The following STXBP6 variants were observed in gnomAD, a reference collection of about 807,000 sequenced individuals.
STXBP6 encodes syntaxin-binding protein 6.
A neutral mutation model predicts 26.9 loss-of-function variants in STXBP6; 21 were observed. That is an observed-to-expected ratio of 0.78 (90% CI 0.55 to 1.12). The LOEUF is 1.12. Among genes scored for constraint, STXBP6 ranks in the 50% most tolerant of loss-of-function variants. The pLI is 0.00. For synonymous variants in STXBP6, 97 were observed against 92.6 expected (o/e 1.05, Z -0.27); for missense variants, 232 against 257.9 (o/e 0.90, Z 0.69).
In STXBP6 at chr14:24,829,052, C is replaced by A. The variant is rs575873386; in HGVS notation, c.452-9858G>T. 1.3e-4 allele frequency among the ~76,000 whole-genome samples: 20 copies of A among 152,230 alleles called. No individual in the cohort carries two copies. In the South Asian group the frequency reaches 4.1e-3, roughly 32 times the overall value. On this transcript the variant is annotated intron_variant, in intron 4 of 5. Coordinates refer to ENST00000323944, the MANE Select transcript of STXBP6 (RefSeq NM_001394410.1). ...GTTTGAATCACCTTGGGAGAATAAA[C>A]CAGGCCCTGTGCCCCCTGTGCCCCC...
chr14:24,819,688 T>C (rs2068084265), intron 4 of STXBP6, among the ~76,000 whole-genome samples: 1 of 152,230 alleles, frequency 6.6e-6, no homozygotes, highest in African/African-American at 2.4e-5. Flanking sequence ...TTCCTTCCAA[T>C]GCTTCTTCTT....
At chr14:24,820,435 A>G (rs1312364314) in intron 4 of STXBP6, among the ~76,000 whole-genome samples, 1 of 152,206 alleles carries the variant, frequency 6.6e-6, no homozygotes, top group Non-Finnish European at 1.5e-5. Flanking sequence ...AAGGGATTCA[A>G]TTATGCACTG....
At position 25,022,999 on chromosome 14, in the gene STXBP6, G is replaced by A. The variant is rs2140431725; in HGVS notation, c.-33+26879C>T. 1.3e-5 allele frequency among the ~76,000 whole-genome samples: 2 copies of A among 152,288 alleles called. 1 individual carries two copies. Among genetic ancestry groups the A allele is most frequent in the South Asian group, 4.1e-4 (2 of 4,820 alleles). The stretch of plus-strand genomic sequence containing the variant: ...GATACTTGTTACTTTAGCATTAGCA[G>A]CCATAAAACATGGTCCTAACCTGAA... On this transcript the variant is annotated intron_variant, in intron 1 of 5. Transcript: ENST00000323944.
At chr14:25,019,275 G>A (rs2075216579) in intron 1 of STXBP6, among the ~76,000 whole-genome samples, 1 of 152,140 alleles carries the variant, frequency 6.6e-6, no homozygotes, top group African/African-American at 2.4e-5. Context: ...TAATATCTGG[G>A]GGTCTAAAGG....
At chr14:24,912,991 A>G (rs1310738969) in intron 2 of STXBP6, among the ~76,000 whole-genome samples, 1 of 152,204 alleles carries the variant, frequency 6.6e-6, no homozygotes, top group Non-Finnish European at 1.5e-5. Context: ...TCTTACTTAC[A>G]TAATTATTCT....
At chr14:24,923,483 T>C (rs1356225250) in intron 2 of STXBP6, among the ~76,000 whole-genome samples, 3 of 152,204 alleles carry the variant, frequency 2.0e-5, no homozygotes, top group Non-Finnish European at 2.9e-5. Flanking sequence ...GTATAAGTAC[T>C]AGCCAAGCCC....
At chr14:24,900,681 C>A (rs2071179297) in intron 2 of STXBP6, among the ~76,000 whole-genome samples, 1 of 152,176 alleles carries the variant, frequency 6.6e-6, no homozygotes, top group South Asian at 2.1e-4. Context: ...TTAGAGGTTT[C>A]TGGACCCATC....
intron 2 of STXBP6, among the ~76,000 whole-genome samples, chr14:24,885,868 C>T (rs899217450): frequency 2.0e-5 from 3 of 152,196 alleles, no homozygotes; most frequent in Admixed American, 2.0e-4. Context: ...TGGATGGATG[C>T]CCTTTTACTC....
intron 1 of STXBP6, among the ~76,000 whole-genome samples, chr14:24,998,932 T>C (rs1368560136): frequency 1.3e-5 from 2 of 152,208 alleles, no homozygotes; most frequent in Non-Finnish European, 2.9e-5. Flanking sequence ...GAGAAAATAA[T>C]GCCTTCAACC....
rs753413417 is a variant in STXBP6 at position 24,996,864 on chromosome 14, CAAAAAAAAAAAAA to C, written c.-32-22027_-32-22015del. 2.4e-3 allele frequency among the ~76,000 whole-genome samples: 145 copies of C among 60,912 alleles called. 1 individual carries two copies. Among genetic ancestry groups the C allele is most frequent in the Middle Eastern group, 0.013 (1 of 80 alleles). The allele number at this position is 60,912 out of a possible 152,430, so 40.0% of individuals were successfully genotyped here. A position where few individuals can be genotyped will look rare whatever the true frequency, so the allele number is the denominator to read the frequency against. On this transcript the variant is annotated intron_variant, in intron 1 of 5. Transcript: ENST00000323944. ...GAGAGAAATGAGTGAAACTCTGTCT[CAAAAAAAAAAAAA>C]AAAAAAAAAGAGAAGGGAACGCAGG... is the stretch of plus-strand genomic sequence containing the variant.
chr14:24,852,359 A>G (rs1180860658), intron 4 of STXBP6, among the ~76,000 whole-genome samples: 1 of 152,162 alleles, frequency 6.6e-6, no homozygotes, highest in Admixed American at 6.5e-5. Flanking sequence ...TACATAAGCA[A>G]TCTCACACGT....
At chr14:25,029,942 TA>T (rs1198965336) in intron 1 of STXBP6, among the ~76,000 whole-genome samples, 3 of 151,724 alleles carry the variant, frequency 2.0e-5, no homozygotes, top group Non-Finnish European at 4.4e-5. Context: ...TAGCAATAGC[TA>T]CCATTTATCC....
intron 1 of STXBP6, among the ~76,000 whole-genome samples, chr14:25,005,731 T>C (rs150578420): frequency 1.0e-3 from 155 of 151,012 alleles, no homozygotes; most frequent in African/African-American, 3.4e-3. Flanking sequence ...ATATTGGAAG[T>C]GATGAAAAAA....
chr14:24,943,566 T>TTA (rs2072878100), intron 2 of STXBP6, among the ~76,000 whole-genome samples: 2 of 152,358 alleles, frequency 1.3e-5, no homozygotes, highest in South Asian at 4.1e-4. Context: ...AAATTCTGAA[T>TTA]TATTTGTTAA....
chr14:24,917,887 A>G (rs1489393109), intron 2 of STXBP6, among the ~76,000 whole-genome samples: 1 of 151,980 alleles, frequency 6.6e-6, no homozygotes, highest in Non-Finnish European at 1.5e-5. Context: ...TGTCAGTCAC[A>G]TATCCTTGCC....
chr14:24,822,092 A>G (rs183793209), intron 4 of STXBP6, among the ~76,000 whole-genome samples: 139 of 152,230 alleles, frequency 9.1e-4, no homozygotes, highest in Non-Finnish European at 1.6e-3. Flanking sequence ...TTTCTTATGG[A>G]AAAAGTCCAA....
rs911480149 is a variant in STXBP6 at position 25,018,301 on chromosome 14, T to C, written c.-33+31577A>G. 4.6e-5 allele frequency among the ~76,000 whole-genome samples: 7 copies of C among 152,124 alleles called. 1 individual carries two copies. Among genetic ancestry groups the C allele is most frequent in the African/African-American group, 1.7e-4 (7 of 41,422 alleles). ...TGCCTACCCCAGGCCTAGGCAGCAATGCACTAGACCCCCCTAGTTCCCACA... is the reference window on the plus strand; with the variant it reads ...TGCCTACCCCAGGCCTAGGCAGCAACGCACTAGACCCCCCTAGTTCCCACA... On this transcript the variant is annotated intron_variant, in intron 1 of 5. Transcript: ENST00000323944.
chr14:24,897,254 C>A (rs867808738), intron 2 of STXBP6, among the ~76,000 whole-genome samples: 3 of 151,544 alleles, frequency 2.0e-5, no homozygotes, highest in African/African-American at 7.3e-5. Context: ...ACTAAAAATA[C>A]ATAAAATTAG....
At chr14:24,971,398 T>C (rs927899873) in intron 2 of STXBP6, among the ~76,000 whole-genome samples, 1 of 152,208 alleles carries the variant, frequency 6.6e-6, no homozygotes, top group Non-Finnish European at 1.5e-5. Context: ...GCAGACATTG[T>C]CCTAATTTGG....
Sources: allele counts gnomAD v4.1 joint callset (sites outside exome capture counted in the v4.1 genomes callset), GRCh38; gene constraint gnomAD v4.1.1; transcripts MANE v1.5; gene names NCBI Gene and HGNC (gene_info 2026-07-23, HGNC 2026-07-21).